The following EPHA6 variants were observed in gnomAD, a reference collection of about 807,000 sequenced individuals.
EPHA6 encodes the protein ephrin type-A receptor 6.
In EPHA6, 50 loss-of-function variants were observed where a neutral mutation model predicts 112.0. That is an observed-to-expected ratio of 0.45 (90% confidence interval 0.36 to 0.56). EPHA6 has a LOEUF of 0.56. EPHA6 is among the 20% of genes least tolerant of loss of function. The probability of loss-of-function intolerance (pLI) is 0.00; values close to 1 mark genes in which losing one functional copy is unlikely to be tolerated. For synonymous variants in EPHA6, 529 were observed against 490.7 expected (o/e 1.08, Z -1.03); for missense variants, 1,280 against 1,417.4 (o/e 0.90, Z 1.56).
At chr3:97,227,283 T>A (rs938360026) in intron 4 of EPHA6, among the ~76,000 whole-genome samples, 1 of 151,722 alleles carries the variant, frequency 6.6e-6, no homozygotes, top group Admixed American at 6.6e-5. Context: ...TGCAGTGGCA[T>A]GATCCCGGCT....
chr3:97,391,812 G>T (rs1243343722), intron 5 of EPHA6, among the ~76,000 whole-genome samples: 1 of 151,854 alleles, frequency 6.6e-6, no homozygotes, highest in Non-Finnish European at 1.5e-5. Context: ...TATTATGAAT[G>T]AAAGTCTTTA....
chr3:97,414,150 T>C (rs939960442), intron 6 of EPHA6, among the ~76,000 whole-genome samples: 4 of 152,060 alleles, frequency 2.6e-5, no homozygotes, highest in Non-Finnish European at 5.9e-5. Context: ...TATAAAATAA[T>C]GGTCTGATAT....
intron 5 of EPHA6, among the ~76,000 whole-genome samples, chr3:97,273,621 G>A (rs917644644): frequency 6.6e-6 from 1 of 152,138 alleles, no homozygotes; most frequent in African/African-American, 2.4e-5. Context: ...TTGGTGAGGT[G>A]TGCTTTTAAA....
intron 2 of EPHA6, among the ~76,000 whole-genome samples, chr3:96,986,196 T>C (rs1224502692): frequency 6.6e-6 from 1 of 152,164 alleles, no homozygotes; most frequent in African/African-American, 2.4e-5. Flanking sequence ...ATATTGATAA[T>C]ATAAACTGCT....
chr3:97,740,616 T>C (rs1053646548), intron 16 of EPHA6, among the ~76,000 whole-genome samples: 3 of 152,140 alleles, frequency 2.0e-5, no homozygotes, highest in Non-Finnish European at 4.4e-5. Context: ...ATGTGAATCA[T>C]GAAGGTAGGG....
At chr3:96,931,941 C>T (rs1191594083) in intron 2 of EPHA6, among the ~76,000 whole-genome samples, 3 of 152,164 alleles carry the variant, frequency 2.0e-5, no homozygotes, top group Non-Finnish European at 4.4e-5. Context: ...AGCTGCTCTG[C>T]TGGCCCTCCA....
intron 2 of EPHA6, among the ~76,000 whole-genome samples, chr3:96,934,915 C>T (rs1379833971): frequency 6.6e-6 from 1 of 150,902 alleles, no homozygotes; most frequent in Non-Finnish European, 1.5e-5. Flanking sequence ...AAATTATCTT[C>T]TCCATTACTT....
intron 1 of EPHA6, among the ~76,000 whole-genome samples, chr3:96,829,761 G>A (rs555354023): frequency 6.6e-6 from 1 of 152,072 alleles, no homozygotes; most frequent in African/African-American, 2.4e-5. Context: ...CTGAAATTCT[G>A]TATTAAATGC....
intron 4 of EPHA6, among the ~76,000 whole-genome samples, chr3:97,227,378 G>A (rs575947514): frequency 7.2e-5 from 11 of 152,000 alleles, no homozygotes; most frequent in South Asian, 4.2e-4. Flanking sequence ...ACACCCCCAC[G>A]CCCAGCTAAT....
At chr3:97,062,040 A>G (rs1286581536) in intron 3 of EPHA6, among the ~76,000 whole-genome samples, 1 of 152,230 alleles carries the variant, frequency 6.6e-6, no homozygotes, top group Non-Finnish European at 1.5e-5. Flanking sequence ...GAAGATTCCC[A>G]GTGACTATAT....
At chr3:97,550,496 A>G (rs982957473) in intron 11 of EPHA6, among the ~76,000 whole-genome samples, 24 of 152,190 alleles carry the variant, frequency 1.6e-4, no homozygotes. Flanking sequence ...CCAACTAATG[A>G]ATCAAGGAGT....
intron 1 of EPHA6, among the ~76,000 whole-genome samples, chr3:96,864,204 C>T (rs2036173315): frequency 6.6e-6 from 1 of 152,028 alleles, no homozygotes; most frequent in Non-Finnish European, 1.5e-5. Flanking sequence ...GTATAACCCA[C>T]TAATCTTACT....
intron 4 of EPHA6, among the ~76,000 whole-genome samples, chr3:97,232,013 A>G (rs1239063539): frequency 6.6e-6 from 1 of 152,178 alleles, no homozygotes; most frequent in African/African-American, 2.4e-5. Context: ...ACAGGTTGAC[A>G]GGAAAGGTCA....
intron 2 of EPHA6, among the ~76,000 whole-genome samples, chr3:96,931,163 C>G (rs1335990454): frequency 2.6e-5 from 4 of 152,112 alleles, no homozygotes. Context: ...CCTGCCCCAC[C>G]TCCCAGCCAT....
chr3:97,207,853 A>G (rs2077754768), intron 3 of EPHA6, among the ~76,000 whole-genome samples: 1 of 152,172 alleles, frequency 6.6e-6, no homozygotes. Context: ...GCTTGCCATG[A>G]AAATTGGATT....
At chr3:96,821,975 TGAA>T (rs777291819) in intron 1 of EPHA6, among the ~76,000 whole-genome samples, 20 of 151,844 alleles carry the variant, frequency 1.3e-4, no homozygotes, top group Non-Finnish European at 2.7e-4. Context: ...TTCTATAAGA[TGAA>T]GAATTTTACA....
chr3:97,480,759 C>G (rs1320271640), intron 9 of EPHA6, among the ~76,000 whole-genome samples: 1 of 152,126 alleles, frequency 6.6e-6, no homozygotes, highest in African/African-American at 2.4e-5. Context: ...ACCTCCCAGA[C>G]GGGGTGGCGG....
intron 14 of EPHA6, among the ~76,000 whole-genome samples, chr3:97,660,934 A>C (rs1181067344): frequency 6.6e-6 from 1 of 152,056 alleles, no homozygotes; most frequent in Non-Finnish European, 1.5e-5. Context: ...TCTAATCTGA[A>C]TTCTTCCAGT....
At chr3:97,389,689 G>A (rs930382799) in intron 5 of EPHA6, among the ~76,000 whole-genome samples, 2 of 152,038 alleles carry the variant, frequency 1.3e-5, no homozygotes, top group Non-Finnish European at 2.9e-5. Context: ...ACAACATGTT[G>A]CATTTTAAGT....
Sources: gnomAD v4.1 joint callset for allele counts (sites outside exome capture counted in the v4.1 genomes callset) on GRCh38, gnomAD v4.1.1 for gene constraint, MANE v1.5 for transcripts, NCBI Gene and HGNC (gene_info 2026-07-23, HGNC 2026-07-21) for gene names.